Variants in ARPP21 observed in about 807,000 individuals in gnomAD.
The protein encoded by ARPP21 is cAMP regulated phosphoprotein 21, also known as cAMP-regulated phosphoprotein 21.
In ARPP21, 69 loss-of-function variants were observed where a neutral mutation model predicts 113.2. The ratio of observed to expected loss-of-function variants is 0.61; its 90% CI spans 0.50 to 0.74. The LOEUF (loss-of-function observed/expected upper bound fraction) is 0.74. Among genes scored for constraint, ARPP21 ranks in the 30% least tolerant of loss-of-function variants. ARPP21 has a pLI of 0.00. For synonymous variants in ARPP21, 368 were observed against 375.5 expected, an observed-to-expected ratio of 0.98 and a Z score of 0.23; for missense variants, 1,070 against 1,037.4, an observed-to-expected ratio of 1.03 and a Z score of -0.43.
At chr3:35,657,843 G>T (rs1197723356) in intron 1 of ARPP21, among the ~76,000 whole-genome samples, 1 of 152,054 alleles carries the variant, frequency 6.6e-6, no homozygotes, top group South Asian at 2.1e-4. Context: ...CTTAGAAATA[G>T]CTCTCCCAGA....
chr3:35,733,643 G>A (rs928049845), intron 15 of ARPP21, among the ~76,000 whole-genome samples: 1 of 152,214 alleles, frequency 6.6e-6, no homozygotes, highest in Non-Finnish European at 1.5e-5. Context: ...TAGAGAGGCT[G>A]TCATTGCCTG....
intron 11 of ARPP21, 120 bp from the exon 12 acceptor site, chr3:35,715,319 C>G: frequency 2.6e-6 from 2 of 759,540 alleles, no homozygotes; most frequent in East Asian, 5.0e-5. Context: ...ATCTTTTGTA[C>G]CTATTTTTCT....
intron 15 of ARPP21, among the ~76,000 whole-genome samples, chr3:35,730,617 C>T (rs968162141): frequency 6.6e-6 from 1 of 152,198 alleles, no homozygotes; most frequent in Non-Finnish European, 1.5e-5. Flanking sequence ...TGAAAGAGAT[C>T]TGAAGTTTGG....
chr3:35,783,220 T>A (rs899643461), intron 19 of ARPP21, among the ~76,000 whole-genome samples: 1 of 152,164 alleles, frequency 6.6e-6, no homozygotes, highest in African/African-American at 2.4e-5. Flanking sequence ...CTCATAAATA[T>A]ATTGTCTTTA....
At chr3:35,763,946 T>C (rs567932692) in intron 19 of ARPP21, among the ~76,000 whole-genome samples, 13 of 152,214 alleles carry the variant, frequency 8.5e-5, no homozygotes, top group African/African-American at 3.1e-4. Flanking sequence ...GGAGGATCAC[T>C]TGAGCCCAGG....
intron 19 of ARPP21, among the ~76,000 whole-genome samples, chr3:35,766,858 AATAT>A (rs1198275434): frequency 6.6e-6 from 1 of 151,808 alleles, no homozygotes; most frequent in Non-Finnish European, 1.5e-5. Context: ...TGTGTACATG[AATAT>A]ATAAACATAT....
chr3:35,672,254 A>C (rs552231349), intron 1 of ARPP21, among the ~76,000 whole-genome samples: 1 of 151,122 alleles, frequency 6.6e-6, no homozygotes, highest in East Asian at 2.0e-4. Flanking sequence ...CCAGAAGGCC[A>C]CAAAATATTC....
At chr3:35,765,700 T>C (rs1002101858) in intron 19 of ARPP21, among the ~76,000 whole-genome samples, 11 of 152,130 alleles carry the variant, frequency 7.2e-5, no homozygotes, top group African/African-American at 2.7e-4. Context: ...ATGAGAAAGA[T>C]AGAAAAGACA....
chr3:35,708,710 C>G (rs1020553351), intron 10 of ARPP21, among the ~76,000 whole-genome samples: 1 of 152,214 alleles, frequency 6.6e-6, no homozygotes, highest in African/African-American at 2.4e-5. Context: ...CAGTGAGGTG[C>G]ACTCGTTTTG....
rs374023276 is a variant in ARPP21, at chr3:35,748,464, AAG to A, written c.2137+4508_2137+4509del. On this transcript the variant is annotated intron_variant, in intron 19 of 20. Coordinates refer to ENST00000684406, the MANE Select transcript of ARPP21 (RefSeq NM_001385562.1). ...GAAAGAAAGAAAAGAAAGAAAAAGA[AAG>A]AGAGAGAGGGAGAGAGGGAGGGAAG... 9.9e-4 allele frequency among the ~76,000 whole-genome samples: 147 copies of A among 149,130 alleles called. 2 individuals are homozygous for A. Among genetic ancestry groups the A allele is most frequent in the African/African-American group, 2.1e-3 (85 of 40,736 alleles).
At chr3:35,645,963 A>C (rs2148898455) in intron 1 of ARPP21, among the ~76,000 whole-genome samples, 1 of 152,190 alleles carries the variant, frequency 6.6e-6, no homozygotes, top group African/African-American at 2.4e-5. Context: ...AAAGAACAAA[A>C]TTGAACATCA....
chr3:35,713,222 T>C (rs1031026681), intron 11 of ARPP21, among the ~76,000 whole-genome samples: 10 of 137,386 alleles, frequency 7.3e-5, no homozygotes, highest in African/African-American at 2.8e-4. Context: ...TTCTCTGCTA[T>C]TAAAATTATT....
chr3:35,704,190 A>G (rs914419341), intron 9 of ARPP21, among the ~76,000 whole-genome samples: 2 of 151,872 alleles, frequency 1.3e-5, no homozygotes, highest in African/African-American at 4.8e-5. Context: ...AATATTTGAG[A>G]AAAACCTAAG....
chr3:35,699,873 A>G (rs1408200173), intron 9 of ARPP21, among the ~76,000 whole-genome samples: 1 of 151,784 alleles, frequency 6.6e-6, no homozygotes, highest in Non-Finnish European at 1.5e-5. Context: ...ACAGTTTCCA[A>G]AGAAAACATC....
intron 14 of ARPP21, among the ~76,000 whole-genome samples, chr3:35,728,399 T>G (rs1019165038): frequency 6.6e-6 from 1 of 151,816 alleles, no homozygotes; most frequent in East Asian, 1.9e-4. Flanking sequence ...TCTGTATTTT[T>G]AGTAGAGATG....
intron 19 of ARPP21, among the ~76,000 whole-genome samples, chr3:35,773,990 C>T (rs186595765): frequency 2.0e-5 from 3 of 152,182 alleles, no homozygotes; most frequent in Admixed American, 6.5e-5. Flanking sequence ...GACTGTGTCC[C>T]GCTTTTGCTG....
chr3:35,732,485 G>A (rs2094055324), intron 15 of ARPP21, among the ~76,000 whole-genome samples: 1 of 152,190 alleles, frequency 6.6e-6, no homozygotes, highest in Non-Finnish European at 1.5e-5. Flanking sequence ...AGTTGTCCCT[G>A]TATAACATTT....
rs146911951 is a variant in ARPP21 at position 35,746,451 on chromosome 3, A to G, written c.2137+2486A>G. Reference sequence around the variant, plus strand: ...CTCATAGAGGAAAGAGCCTCTTCAGATAACTGTATAAGTTATATTTTCTGG... The same window carrying G: ...CTCATAGAGGAAAGAGCCTCTTCAGGTAACTGTATAAGTTATATTTTCTGG... On this transcript the variant is annotated intron_variant, in intron 19 of 20. Coordinates refer to ENST00000684406, the MANE Select transcript of ARPP21 (RefSeq NM_001385562.1). Among the ~76,000 whole-genome samples, 21 of 152,312 alleles carry G rather than the reference A, an allele frequency of 1.4e-4. No individual in the cohort carries two copies. The East Asian group carries it at 4.1e-3, about 29-fold the overall frequency.
chr3:35,684,340 A>G, intron 5 of ARPP21: 2 of 1,051,280 alleles, frequency 1.9e-6, no homozygotes, highest in Non-Finnish European at 2.3e-6. Flanking sequence ...GTTGTCCAGA[A>G]ATGAATCTGA....
Sources: gnomAD v4.1 joint callset for allele counts (sites outside exome capture counted in the v4.1 genomes callset) on GRCh38, gnomAD v4.1.1 for gene constraint, MANE v1.5 for transcripts, NCBI Gene and HGNC (gene_info 2026-07-23, HGNC 2026-07-21) for gene names.